Variants in SPAG1 observed in about 807,000 individuals in gnomAD.
SPAG1 encodes sperm associated antigen 1.
SPAG1 carries 69 observed loss-of-function variants against 100.5 expected under a neutral mutation model. The observed-to-expected ratio is 0.69, with a 90% CI of 0.57 to 0.84. The LOEUF is 0.84. SPAG1 is among the 40% of genes least tolerant of loss of function. SPAG1 has a pLI of 0.00. For synonymous variants in SPAG1, 336 were observed against 411.6 expected, an observed-to-expected ratio of 0.82 and a Z score of 2.22; for missense variants, 955 against 1,133.1, an observed-to-expected ratio of 0.84 and a Z score of 2.26.
At chr8:100,191,327 A>G in intron 8 of SPAG1, 63 bp from the exon 9 acceptor site, 2 of 1,164,784 alleles carry the variant, frequency 1.7e-6, no homozygotes, top group Non-Finnish European at 2.5e-6. Flanking sequence ...CCACTTGCCA[A>G]ATATGTTGTA....
At chr8:100,159,755 A>G (rs964297400) in intron 1 of SPAG1, among the ~76,000 whole-genome samples, 3 of 152,358 alleles carry the variant, frequency 2.0e-5, no homozygotes, top group Admixed American at 6.5e-5. Context: ...TTATAAAACA[A>G]TGTTAATTGC....
chr8:100,183,876 C>T, intron 5 of SPAG1, 80 bp from the exon 6 acceptor site: 1 of 695,518 alleles, frequency 1.4e-6, no homozygotes. Context: ...CATACTTGTA[C>T]AAATATAAGA....
chr8:100,213,404 G>A lies in SPAG1; in HGVS notation c.1411G>A (p.Ala471Thr), dbSNP rs1250677947. 2 of 1,438,350 alleles carry A rather than the reference G, an allele frequency of 1.4e-6. No homozygotes were observed. Among genetic ancestry groups the A allele is most frequent in the Non-Finnish European group, 9.1e-7 (1 of 1,094,952 alleles). 89.1% of individuals were successfully genotyped at this position (1,438,350 alleles called of 1,614,324 possible). The change falls in exon 11 of 19, where the codon GCA (alanine) becomes ACA (threonine). Residue 471 changes from alanine (A) to threonine (T), a missense_variant. Transcript: ENST00000388798. ...FAEAAGKYSA[A>T]IALLEPAGSE... is the part of the protein sequence containing the mutation. ...CGAGGCGGCCGGCAAGTACTCGGCG[G>A]CAATCGCGCTCCTGGAGCCAGCAGG...
intron 15 of SPAG1, 89 bp from the exon 16 acceptor site, chr8:100,233,322 G>A: frequency 7.2e-7 from 1 of 1,394,458 alleles, no homozygotes; most frequent in Non-Finnish European, 1.0e-6. Flanking sequence ...GACATATTGA[G>A]CTATTTTCTG....
intron 10 of SPAG1, among the ~76,000 whole-genome samples, chr8:100,209,243 A>G (rs1342916550): frequency 6.6e-6 from 1 of 151,856 alleles, no homozygotes; most frequent in Non-Finnish European, 1.5e-5. Context: ...GCTTGTAGAC[A>G]GCCTATTGTG....
chr8:100,194,518 T>C (rs1433818805), intron 10 of SPAG1: 1 of 577,744 alleles, frequency 1.7e-6, no homozygotes. Flanking sequence ...CCTTTAAATG[T>C]AAATGGCTGT....
rs528124968 is a variant in SPAG1 at position 100,218,069 on chromosome 8, G to A, written c.1536-2210G>A. On this transcript the variant is annotated intron_variant, in intron 12 of 18. Transcript: ENST00000388798. ...TCCCAAAGTTCTGGGATTACATACAGGCTTGAGCCACCGTGCCTGGCCAGT... is the reference window on the plus strand; with the variant it reads ...TCCCAAAGTTCTGGGATTACATACAAGCTTGAGCCACCGTGCCTGGCCAGT... 5.9e-5 allele frequency among the ~76,000 whole-genome samples: 9 copies of A among 152,224 alleles called. No individual in the cohort carries two copies. The South Asian group carries it at 1.9e-3, about 32-fold the overall frequency.
chr8:100,207,136 T>C (rs1563796015), intron 10 of SPAG1, among the ~76,000 whole-genome samples: 1 of 152,166 alleles, frequency 6.6e-6, no homozygotes, highest in Non-Finnish European at 1.5e-5. Flanking sequence ...GGTCATCAAG[T>C]CACCATGCAA....
chr8:100,172,707 C>T (rs535289082), intron 3 of SPAG1, among the ~76,000 whole-genome samples: 1 of 150,948 alleles, frequency 6.6e-6, no homozygotes, highest in East Asian at 1.9e-4. Context: ...TGTGTGTATA[C>T]ACATATATAC....
intron 15 of SPAG1, among the ~76,000 whole-genome samples, chr8:100,232,091 C>T (rs919884792): frequency 3.3e-5 from 5 of 152,106 alleles, no homozygotes; most frequent in East Asian, 1.9e-4. Flanking sequence ...GTCTTTACCA[C>T]GTAGTAAAAG....
At chr8:100,234,612 G>A (rs1288685280) in intron 16 of SPAG1, among the ~76,000 whole-genome samples, 1 of 152,164 alleles carries the variant, frequency 6.6e-6, no homozygotes. Context: ...CGTGTTGTAT[G>A]AATATATCAC....
intron 3 of SPAG1, among the ~76,000 whole-genome samples, chr8:100,172,776 G>T (rs1199328836): frequency 1.3e-5 from 2 of 151,402 alleles, no homozygotes; most frequent in Non-Finnish European, 2.9e-5. Context: ...TATTTTTCTG[G>T]GGTTAAAAAC....
intron 3 of SPAG1, among the ~76,000 whole-genome samples, chr8:100,176,589 T>C (rs1434162236): frequency 6.6e-6 from 1 of 152,182 alleles, no homozygotes; most frequent in African/African-American, 2.4e-5. Flanking sequence ...GGTCTGGAAC[T>C]CCTGACCTCA....
intron 4 of SPAG1, among the ~76,000 whole-genome samples, chr8:100,178,988 G>T (rs1816248010): frequency 6.6e-6 from 1 of 151,016 alleles, no homozygotes; most frequent in Non-Finnish European, 1.5e-5. Context: ...TCAGCTTCCT[G>T]GGAGGCTGAG....
At chr8:100,183,483 T>A (rs1183780339) in intron 5 of SPAG1, 47 bp downstream of exon 5, 1 of 894,266 alleles carries the variant, frequency 1.1e-6, no homozygotes, top group Non-Finnish European at 1.8e-6. Context: ...AAAAAAGTTA[T>A]CTACCACAAA....
chr8:100,172,634 ATGTGTGTGTGTGTGTGTG>A (rs60155004), intron 3 of SPAG1, among the ~76,000 whole-genome samples: 2 of 145,562 alleles, frequency 1.4e-5, no homozygotes, highest in Non-Finnish European at 3.0e-5. Flanking sequence ...AAAGAAATAT[ATGTGTGTGTGTGTGTGTG>A]TGTGTGTGTG....
At chr8:100,167,749 G>A (rs1224252994) in intron 3 of SPAG1, among the ~76,000 whole-genome samples, 1 of 152,172 alleles carries the variant, frequency 6.6e-6, no homozygotes, top group Non-Finnish European at 1.5e-5. Flanking sequence ...ATTTCACTGA[G>A]TTTTGACAAA....
At chr8:100,165,296 C>A in intron 2 of SPAG1, 1 of 518,604 alleles carries the variant, frequency 1.9e-6, no homozygotes, top group South Asian at 1.4e-5. Flanking sequence ...TCCAGCAGGT[C>A]TGTGCAGGAT....
intron 10 of SPAG1, among the ~76,000 whole-genome samples, chr8:100,199,003 A>G (rs1360755866): frequency 6.6e-6 from 1 of 151,796 alleles, no homozygotes; most frequent in East Asian, 1.9e-4. Context: ...ATAATACCAG[A>G]TTTTCTTTAT....
Sources: gnomAD v4.1 joint callset for allele counts (sites outside exome capture counted in the v4.1 genomes callset) on GRCh38, gnomAD v4.1.1 for gene constraint, MANE v1.5 for transcripts, NCBI Gene and HGNC (gene_info 2026-07-23, HGNC 2026-07-21) for gene names.